WWOX: variants seen among roughly 807,000 people sequenced by gnomAD.
The protein encoded by WWOX is WW domain containing oxidoreductase, also known as WW domain-containing oxidoreductase.
Under a neutral mutation model 46.2 loss-of-function variants are expected in WWOX, and 69 were observed. That is an observed-to-expected ratio of 1.49 (90% confidence interval 1.23 to 1.82). WWOX has a LOEUF of 1.82. WWOX is among the 40% of genes most tolerant of loss of function. The probability of loss-of-function intolerance (pLI) is 0.00; values close to 1 mark genes in which losing one functional copy is unlikely to be tolerated. For missense variants in WWOX, 919 were observed against 542.6 expected (o/e 1.69, Z -6.89); for synonymous variants, 359 against 202.6 (o/e 1.77, Z -6.56).
At chr16:78,167,802 C>T (rs370561085) in intron 5 of WWOX, 6 of 152,342 alleles carry the variant, frequency 3.9e-5, no homozygotes, top group African/African-American at 1.4e-4. Context: ...TGTTAGGCTT[C>T]GTCTCTATAT....
In WWOX at chr16:78,584,091, T is replaced by C. The variant is rs558100438; in HGVS notation, c.1056+151339T>C. On this transcript the variant is annotated intron_variant, in intron 8 of 8. Transcript: ENST00000566780. ...GTAATTATAAAGTTATTTGTGTGTT[T>C]GGTTTATGTCTTCCACACTGGACTG... 2.0e-5 allele frequency among the ~76,000 whole-genome samples: 3 copies of C among 152,340 alleles called. No individual in the cohort carries two copies. The South Asian group carries it at 6.2e-4, about 32-fold the overall frequency.
intron 8 of WWOX, chr16:79,203,045 G>A (rs534164391): frequency 1.3e-5 from 2 of 152,220 alleles, no homozygotes; most frequent in African/African-American, 2.4e-5. Context: ...CACTAACACC[G>A]AGGCAGAATT....
chr16:78,457,998 A>T (rs1483896033), intron 8 of WWOX, among the ~76,000 whole-genome samples: 2 of 150,964 alleles, frequency 1.3e-5, no homozygotes, highest in Non-Finnish European at 2.9e-5. Flanking sequence ...AACTGCCTGA[A>T]CCTGGGAGGC....
intron 8 of WWOX, among the ~76,000 whole-genome samples, chr16:78,954,263 G>T (rs978394278): frequency 1.3e-5 from 2 of 151,768 alleles, no homozygotes; most frequent in Non-Finnish European, 1.5e-5. Context: ...TTGAGTGAGT[G>T]GGTGGATGGA....
chr16:78,562,956 C>G (rs551589003), intron 8 of WWOX, among the ~76,000 whole-genome samples: 1 of 151,988 alleles, frequency 6.6e-6, no homozygotes, highest in East Asian at 1.9e-4. Context: ...ATATGCTGTG[C>G]AGATCCCTCT....
intron 5 of WWOX, among the ~76,000 whole-genome samples, chr16:78,240,375 G>T (rs558027342): frequency 3.9e-5 from 6 of 152,210 alleles, no homozygotes; most frequent in African/African-American, 1.4e-4. Flanking sequence ...AGAGGAGAAG[G>T]CTCTGTGAAG....
chr16:78,308,899 C>T (rs544582443), intron 5 of WWOX, among the ~76,000 whole-genome samples: 7 of 152,076 alleles, frequency 4.6e-5, no homozygotes, highest in Non-Finnish European at 8.8e-5. Flanking sequence ...TTGGCCGCAT[C>T]GCCACCCAAA....
At chr16:78,371,643 T>G (rs1189137095) in intron 5 of WWOX, among the ~76,000 whole-genome samples, 2 of 152,212 alleles carry the variant, frequency 1.3e-5, no homozygotes, top group Admixed American at 1.3e-4. Flanking sequence ...TATATATTCT[T>G]GCTTAATTAT....
intron 8 of WWOX, among the ~76,000 whole-genome samples, chr16:78,454,509 C>G (rs915583354): frequency 5.3e-5 from 8 of 151,522 alleles, no homozygotes; most frequent in Non-Finnish European, 8.8e-5. Flanking sequence ...TTGTTTGTTT[C>G]TTTGTTTGTT....
intron 8 of WWOX, among the ~76,000 whole-genome samples, chr16:79,020,128 C>A (rs1287071080): frequency 2.0e-5 from 3 of 152,158 alleles, no homozygotes; most frequent in Non-Finnish European, 2.9e-5. Flanking sequence ...TGCTAGATCT[C>A]TCCCTGGGGA....
In WWOX at chr16:79,160,806, T is replaced by C. The variant is rs529106855; in HGVS notation, c.1057-50802T>C. On this transcript the variant is annotated intron_variant, in intron 8 of 8. Transcript: ENST00000566780. Reference sequence around the variant, plus strand: ...ATATGTCTGTGTGTACATATATGTATATGTTCTGTGTATATGTAGACATGT... The same window carrying C: ...ATATGTCTGTGTGTACATATATGTACATGTTCTGTGTATATGTAGACATGT... Among the ~76,000 whole-genome samples the C allele has an allele frequency of 3.3e-5, 5 of 152,316 alleles. No homozygotes were observed. The South Asian group carries it at 1.0e-3, about 32-fold the overall frequency.
chr16:78,981,826 G>C (rs925377719), intron 8 of WWOX: 3 of 152,208 alleles, frequency 2.0e-5, no homozygotes, highest in Non-Finnish European at 4.4e-5. Context: ...ATTTCCCTGA[G>C]TTACACTGAA....
chr16:78,938,259 G>A (rs1597177369), intron 8 of WWOX, among the ~76,000 whole-genome samples: 1 of 152,220 alleles, frequency 6.6e-6, no homozygotes. Flanking sequence ...GGTGGGGAAA[G>A]ACAGGAAGTA....
Position 79,182,610 on chromosome 16 carries a change from A to C in WWOX, c.1057-28998A>C, listed in dbSNP as rs903971290. 3.3e-5 allele frequency among the ~76,000 whole-genome samples: 5 copies of C among 152,280 alleles called. No individual in the cohort carries two copies. The South Asian group carries it at 1.0e-3, about 32-fold the overall frequency. On this transcript the variant is annotated intron_variant, in intron 8 of 8. Transcript: ENST00000566780. ...AGAATATCAGGGTGTTTAAAAGCCAAGATTCTGGAGTCAGAAGGCCTGGGT... is the reference window on the plus strand; with the variant it reads ...AGAATATCAGGGTGTTTAAAAGCCACGATTCTGGAGTCAGAAGGCCTGGGT...
intron 8 of WWOX, among the ~76,000 whole-genome samples, chr16:78,784,924 A>G (rs142604042): frequency 2.5e-4 from 38 of 152,298 alleles, no homozygotes; most frequent in African/African-American, 7.7e-4. Context: ...CTATGACCAC[A>G]TACGAGGAAG....
intron 8 of WWOX, among the ~76,000 whole-genome samples, chr16:78,442,602 A>G (rs181846333): frequency 1.1e-3 from 172 of 152,152 alleles, no homozygotes; most frequent in African/African-American, 4.0e-3. Flanking sequence ...TTCTCTTCCC[A>G]TTGTTTATAG....
At chr16:78,662,507 G>A (rs779368074) in intron 8 of WWOX, among the ~76,000 whole-genome samples, 1 of 152,068 alleles carries the variant, frequency 6.6e-6, no homozygotes, top group Non-Finnish European at 1.5e-5. Flanking sequence ...TGCTCATCCC[G>A]ATACCACTAT....
chr16:78,977,474 C>T (rs965499627), intron 8 of WWOX, among the ~76,000 whole-genome samples: 3 of 152,196 alleles, frequency 2.0e-5, no homozygotes, highest in African/African-American at 7.2e-5. Context: ...GCTCAGTAGG[C>T]CTGTCCTTTA....
In WWOX at chr16:79,021,703, T is replaced by A. The variant is rs144415137; in HGVS notation, c.1057-189905T>A. Among the ~76,000 whole-genome samples the A allele has an allele frequency of 1.6e-3, 237 of 152,304 alleles. 2 individuals carry two copies. Among genetic ancestry groups the A allele is most frequent in the African/African-American group, 5.3e-3 (221 of 41,570 alleles). Reference sequence around the variant, plus strand: ...CAGTGCATTGCCTAAATGACAGTAATGCTAAACTCCAGTCAGATGTTAGTG... The same window carrying A: ...CAGTGCATTGCCTAAATGACAGTAAAGCTAAACTCCAGTCAGATGTTAGTG... On this transcript the variant is annotated intron_variant, in intron 8 of 8. Transcript: ENST00000566780.
Sources: gnomAD v4.1 joint callset for allele counts (sites outside exome capture counted in the v4.1 genomes callset) on GRCh38, gnomAD v4.1.1 for gene constraint, MANE v1.5 for transcripts, NCBI Gene and HGNC (gene_info 2026-07-23, HGNC 2026-07-21) for gene names.